Variants in SWT1 observed in about 807,000 individuals in gnomAD.
SWT1 encodes the protein transcriptional protein SWT1.
A neutral mutation model predicts 107.3 loss-of-function variants in SWT1; 33 were observed. The observed-to-expected ratio is 0.31, with a 90% CI of 0.23 to 0.41. The LOEUF is 0.41. Ranked by LOEUF, SWT1 falls within the 10% of genes least tolerant of loss-of-function variation. The probability of loss-of-function intolerance (pLI) is 1.00; values close to 1 mark genes in which losing one functional copy is unlikely to be tolerated. For synonymous variants in SWT1, 345 were observed against 348.3 expected, an observed-to-expected ratio of 0.99 and a Z score of 0.11; for missense variants, 898 against 1,028.9, an observed-to-expected ratio of 0.87 and a Z score of 1.74.
chr1:185,174,269 A>G (rs2102344369), intron 4 of SWT1, 103 bp from the exon 5 acceptor site: 1 of 854,410 alleles, frequency 1.2e-6, no homozygotes, highest in African/African-American at 1.8e-5. Flanking sequence ...TCTACTTTTT[A>G]TGAAGCTTAA....
intron 18 of SWT1, 131 bp from the exon 19 acceptor site, chr1:185,290,543 C>G (rs1665193617): frequency 3.9e-6 from 2 of 512,120 alleles, no homozygotes; most frequent in Non-Finnish European, 2.9e-6. Flanking sequence ...ATACCTAGTT[C>G]AGAATATCAT....
chr1:185,271,343 A>G lies in SWT1; in HGVS notation c.2462A>G (p.Asn821Ser). Residue 821 changes from asparagine to serine, a missense_variant, in exon 17 of 19, where the codon AAT becomes AGT. Physicochemically the swap from Asn to Ser is conservative, Grantham distance 46 (BLOSUM62 1). Coordinates refer to ENST00000367500, the MANE Select transcript of SWT1 (RefSeq NM_017673.7). ...GIQRILAPNS[N>S]YQDVETLYNF... Reference sequence around the variant, plus strand: ...TTTAGGATTTTGGCCCCAAACAGTAATTATCAAGATGTTGAGACCCTCTAT... The same window carrying G: ...TTTAGGATTTTGGCCCCAAACAGTAGTTATCAAGATGTTGAGACCCTCTAT... The G allele has an allele frequency of 6.6e-7, 1 of 1,514,974 alleles. No homozygotes were observed. The highest frequency in any genetic ancestry group is 9.2e-7 in the Non-Finnish European group (1 of 1,091,212). The allele number at this position is 1,514,974 out of a possible 1,614,324, so 93.8% of individuals were successfully genotyped here. A position where few individuals can be genotyped will look rare whatever the true frequency, so the allele number is the denominator to read the frequency against.
At chr1:185,240,372 G>A (rs1415862225) in intron 16 of SWT1, among the ~76,000 whole-genome samples, 1 of 151,972 alleles carries the variant, frequency 6.6e-6, no homozygotes, top group African/African-American at 2.4e-5. Flanking sequence ...GATAATGAGT[G>A]TTTTCTTGGT....
chr1:185,266,867 A>C (rs1214530481), intron 16 of SWT1, among the ~76,000 whole-genome samples: 1 of 152,244 alleles, frequency 6.6e-6, no homozygotes, highest in African/African-American at 2.4e-5. Flanking sequence ...TGATAAAGAT[A>C]AAACAACTAC....
chr1:185,255,377 G>T (rs927817073), intron 16 of SWT1, among the ~76,000 whole-genome samples: 5 of 143,020 alleles, frequency 3.5e-5, no homozygotes, highest in Non-Finnish European at 6.0e-5. Context: ...GTTGACAGTG[G>T]GGTGTTAAAA....
intron 12 of SWT1, among the ~76,000 whole-genome samples, chr1:185,206,246 C>T (rs553041027): frequency 6.6e-6 from 1 of 152,136 alleles, no homozygotes; most frequent in African/African-American, 2.4e-5. Context: ...CATGAGCCAC[C>T]GAACATCTTT....
chr1:185,277,903 A>C (rs1475949753), intron 18 of SWT1, among the ~76,000 whole-genome samples: 3 of 152,034 alleles, frequency 2.0e-5, no homozygotes, highest in Non-Finnish European at 4.4e-5. Flanking sequence ...CACACTATAT[A>C]CTTTTTTTTC....
intron 4 of SWT1, among the ~76,000 whole-genome samples, chr1:185,170,326 G>T (rs1055295822): frequency 6.6e-6 from 1 of 152,204 alleles, no homozygotes; most frequent in Non-Finnish European, 1.5e-5. Context: ...CAACAATTCT[G>T]TCTTCCTAAC....
At chr1:185,277,697 T>C (rs1379810914) in intron 18 of SWT1, among the ~76,000 whole-genome samples, 1 of 152,214 alleles carries the variant, frequency 6.6e-6, no homozygotes, top group Non-Finnish European at 1.5e-5. Context: ...CAAGAACAAC[T>C]GATATAAAAA....
At chr1:185,274,275 T>TA (rs1379707444) in intron 17 of SWT1, among the ~76,000 whole-genome samples, 1 of 148,268 alleles carries the variant, frequency 6.7e-6, no homozygotes, top group African/African-American at 2.4e-5. Flanking sequence ...ATATATGTAA[T>TA]ATATATTATA....
chr1:185,214,694 A>T (rs1293630601), intron 14 of SWT1, 39 bp downstream of exon 14: 1 of 1,539,856 alleles, frequency 6.5e-7, no homozygotes, highest in East Asian at 2.3e-5. Context: ...GTAGCTAATT[A>T]TACATGTTCT....
At chr1:185,213,110 A>G (rs1658953950) in intron 13 of SWT1, among the ~76,000 whole-genome samples, 1 of 152,110 alleles carries the variant, frequency 6.6e-6, no homozygotes, top group South Asian at 2.1e-4. Context: ...TATTATTGTT[A>G]TTACCCTTTT....
chr1:185,205,232 T>A (rs926630371), intron 12 of SWT1, among the ~76,000 whole-genome samples: 25 of 152,250 alleles, frequency 1.6e-4, no homozygotes, highest in Admixed American at 8.5e-4. Context: ...TATGTATTTT[T>A]GCTTGTGCCA....
chr1:185,211,765 AT>A (rs1318413183), intron 13 of SWT1, among the ~76,000 whole-genome samples: 1 of 152,224 alleles, frequency 6.6e-6, no homozygotes, highest in Non-Finnish European at 1.5e-5. Flanking sequence ...ACATATGTTT[AT>A]TGTGGCACTA....
At chr1:185,282,986 T>C (rs759976851) in intron 18 of SWT1, among the ~76,000 whole-genome samples, 1 of 152,160 alleles carries the variant, frequency 6.6e-6, no homozygotes, top group Non-Finnish European at 1.5e-5. Context: ...ATTTTACTTA[T>C]ATTTACCCAT....
chr1:185,272,774 G>A (rs1042196657), intron 17 of SWT1, among the ~76,000 whole-genome samples: 1 of 152,088 alleles, frequency 6.6e-6, no homozygotes, highest in African/African-American at 2.4e-5. Flanking sequence ...GGTGGTTCAC[G>A]CCTGTAATCC....
intron 3 of SWT1, among the ~76,000 whole-genome samples, chr1:185,167,901 T>G (rs1049893941): frequency 3.3e-5 from 5 of 152,234 alleles, no homozygotes; most frequent in Admixed American, 2.6e-4. Context: ...TTTTTGACTC[T>G]TCTGCTTTGA....
chr1:185,188,206 A>G (rs1204508422), intron 9 of SWT1, among the ~76,000 whole-genome samples: 2 of 152,184 alleles, frequency 1.3e-5, no homozygotes, highest in African/African-American at 4.8e-5. Context: ...GTTCACATGT[A>G]CAGGTGCTCA....
chr1:185,271,447 A>C, intron 17 of SWT1, 58 bp downstream of exon 17: 1 of 889,144 alleles, frequency 1.1e-6, no homozygotes, highest in South Asian at 1.5e-5. Context: ...ATTTTAATGT[A>C]AATAAACAGA....
Sources: allele counts gnomAD v4.1 joint callset (sites outside exome capture counted in the v4.1 genomes callset), GRCh38; gene constraint gnomAD v4.1.1; transcripts MANE v1.5; gene names NCBI Gene and HGNC (gene_info 2026-07-23, HGNC 2026-07-21).